CLTC: variants seen among roughly 807,000 people sequenced by gnomAD.
CLTC encodes clathrin heavy chain 1.
In CLTC, 16 loss-of-function variants were observed where a neutral mutation model predicts 195.8. The observed-to-expected ratio is 0.08, with a 90% confidence interval of 0.06 to 0.12. CLTC has a LOEUF of 0.12. Ranked by LOEUF, CLTC falls within the 10% of genes least tolerant of loss-of-function variation. The probability of loss-of-function intolerance (pLI) is 1.00; values close to 1 mark genes in which losing one functional copy is unlikely to be tolerated. For synonymous variants in CLTC, 667 were observed against 689.4 expected (o/e 0.97, Z 0.51); for missense variants, 796 against 2,027.0 (o/e 0.39, Z 11.66).
At chr17:59,646,852 G>C (rs1481501039) in intron 2 of CLTC, among the ~76,000 whole-genome samples, 1 of 152,012 alleles carries the variant, frequency 6.6e-6, no homozygotes, top group Non-Finnish European at 1.5e-5. Context: ...ATCTTAAGCC[G>C]GTTAAATGTA....
At position 59,666,201 on chromosome 17, in the gene CLTC, G is replaced by A. The variant is rs775601497; in HGVS notation, c.1743G>A (p.Gln581=). 1 of 1,614,050 alleles carries A rather than the reference G, an allele frequency of 6.2e-7. No homozygotes were observed. The highest frequency in any genetic ancestry group is 8.5e-7 in the Non-Finnish European group (1 of 1,179,968). ...KNNRPSEGPL[Q]TRLLEMNLMH... is the part of the protein sequence containing the mutation. The stretch of plus-strand genomic sequence containing the variant: ...ATCGCCCATCTGAAGGTCCTTTACA[G>A]ACGCGGTTACTTGAGATGAACCTTA... Residue 581 remains glutamine (Q), a synonymous_variant, in exon 11 of 32, where the codon CAG becomes CAA. Coordinates refer to ENST00000269122, the MANE Select transcript of CLTC (RefSeq NM_004859.4). This position sits in a 1 kb window ranked among gnomAD's most constrained non-coding sequence, Gnocchi z 4.9.
intron 2 of CLTC, among the ~76,000 whole-genome samples, chr17:59,646,575 T>C (rs2032200695): frequency 6.6e-6 from 1 of 152,152 alleles, no homozygotes; most frequent in Non-Finnish European, 1.5e-5. Flanking sequence ...AGCCTAGTGA[T>C]AGTTGTAGGC....
intron 30 of CLTC, chr17:59,687,035 C>G: frequency 2.0e-6 from 2 of 985,908 alleles, no homozygotes; most frequent in Non-Finnish European, 2.4e-6. Flanking sequence ...AAAGTTGATT[C>G]TTTAACATCT....
intron 1 of CLTC, among the ~76,000 whole-genome samples, chr17:59,630,196 T>C (rs566684362): frequency 6.6e-6 from 1 of 152,030 alleles, no homozygotes; most frequent in Non-Finnish European, 1.5e-5. Context: ...GAAATGGGCT[T>C]TGGCCATGTT....
rs2032742140 is a variant in CLTC, at chr17:59,666,757, T to C, written c.1948-40T>C. 6.3e-7 allele frequency: 1 copy of C among 1,580,534 alleles called. No individual in the cohort carries two copies. Among genetic ancestry groups the C allele is most frequent in the Non-Finnish European group, 8.6e-7 (1 of 1,157,296 alleles). Reference sequence around the variant, plus strand: ...TTCATACCACCATGAGGTTCAACATTATTTCATTTATTCATTCATTCATTT... The same window carrying C: ...TTCATACCACCATGAGGTTCAACATCATTTCATTTATTCATTCATTCATTT... On this transcript the variant is annotated intron_variant, in intron 12 of 31. Transcript: ENST00000269122. This position sits in a 1 kb window ranked among gnomAD's most constrained non-coding sequence, Gnocchi z 4.9.
rs768618316 is a variant in CLTC at position 59,682,620 on chromosome 17, T to G, written c.3601-9T>G. On this transcript the variant is annotated splice_polypyrimidine_tract_variant and intron_variant, in intron 22 of 31. Coordinates refer to ENST00000269122, the MANE Select transcript of CLTC (RefSeq NM_004859.4). This position sits in a 1 kb window ranked among gnomAD's most constrained non-coding sequence, Gnocchi z 6.8. ...TCTTGCTGAATGTGGGTTACCTTTT[T>G]TTTTCCAGGTTGGTGACCGTTGTTA... 4.8e-5 allele frequency: 78 copies of G among 1,612,932 alleles called. No individual in the cohort carries two copies. In the Admixed American group the frequency reaches 1.3e-3, roughly 26 times the overall value.
At chr17:59,664,448 G>C (rs1248498014) in intron 9 of CLTC, among the ~76,000 whole-genome samples, 1 of 151,608 alleles carries the variant, frequency 6.6e-6, no homozygotes, top group African/African-American at 2.4e-5. Context: ...CTACTCAGGA[G>C]GCCAAGGTAG....
At chr17:59,634,293 T>G (rs986979126) in intron 1 of CLTC, among the ~76,000 whole-genome samples, 5 of 152,140 alleles carry the variant, frequency 3.3e-5, no homozygotes, top group African/African-American at 7.2e-5. Flanking sequence ...TAGCTGTGGT[T>G]GTTTTGTGCT....
chr17:59,642,727 C>G (rs570968031), intron 1 of CLTC, among the ~76,000 whole-genome samples: 1 of 152,272 alleles, frequency 6.6e-6, no homozygotes, highest in East Asian at 1.9e-4. Flanking sequence ...GCTTGTAAAG[C>G]AGGTTAATCT....
At chr17:59,663,062 C>T (rs1329893074) in intron 8 of CLTC, among the ~76,000 whole-genome samples, 6 of 151,514 alleles carry the variant, frequency 4.0e-5, no homozygotes, top group Admixed American at 3.3e-4. Flanking sequence ...ATAAAAGAGA[C>T]ATTAATCAAC....
At chr17:59,692,274 A>G (rs1024977492) in intron 31 of CLTC, among the ~76,000 whole-genome samples, 3 of 152,168 alleles carry the variant, frequency 2.0e-5, no homozygotes, top group Non-Finnish European at 2.9e-5. Flanking sequence ...CCAAAATTGC[A>G]CCACTGCATT....
At position 59,626,373 on chromosome 17, in the gene CLTC, T is replaced by C. The variant is rs566112542; in HGVS notation, c.42+6200T>C. Among the ~76,000 whole-genome samples, 11 of 152,348 alleles carry C rather than the reference T, an allele frequency of 7.2e-5. No homozygotes were observed. In the East Asian group the frequency reaches 1.9e-3, roughly 27 times the overall value. ...AAAAAGAAACTTTTAAATAAATCTT[T>C]TATTATGTTCCACGAGTCTCATTGT... On this transcript the variant is annotated intron_variant, in intron 1 of 31. Transcript: ENST00000269122.
Position 59,696,062 on chromosome 17 carries a change from G to A in CLTC, c.*2210G>A, listed in dbSNP as rs889197764. 1.5e-4 allele frequency: 32 copies of A among 211,442 alleles called. No individual in the cohort carries two copies. Among genetic ancestry groups the A allele is most frequent in the Non-Finnish European group, 2.7e-4 (28 of 104,490 alleles). The allele number at this position is 211,442 out of a possible 1,614,324, so 13.1% of individuals were successfully genotyped here. A position where few individuals can be genotyped will look rare whatever the true frequency, so the allele number is the denominator to read the frequency against. ...CACCCCATGCCATCCTGTTGGGAAT[G>A]CCACTACCTTTGAATTTGGAGCCAT... is the stretch of plus-strand genomic sequence containing the variant. On this transcript the variant is annotated 3_prime_UTR_variant, in exon 32 of 32. Transcript: ENST00000269122.
chr17:59,647,361 T>C, intron 2 of CLTC, 37 bp from the exon 3 acceptor site: 1 of 1,539,386 alleles, frequency 6.5e-7, no homozygotes, highest in Non-Finnish European at 8.9e-7. Flanking sequence ...TAAACTTTAC[T>C]CTTTTAATGA....
chr17:59,661,729 A>G (rs1175638898), intron 8 of CLTC, 86 bp downstream of exon 8: 5 of 1,085,364 alleles, frequency 4.6e-6, no homozygotes, highest in East Asian at 2.5e-5. Flanking sequence ...CTGCACCACA[A>G]TGTCTCCATT....
intron 16 of CLTC, among the ~76,000 whole-genome samples, chr17:59,676,236 G>A (rs919120474): frequency 1.3e-5 from 2 of 152,146 alleles, no homozygotes; most frequent in South Asian, 2.1e-4. Context: ...CAGGACTATC[G>A]AAACAAGCTA....
chr17:59,681,596 T>C lies in CLTC; in HGVS notation c.3250-51T>C, dbSNP rs2033082240. The C allele has an allele frequency of 6.3e-7, 1 of 1,576,854 alleles. No homozygotes were observed. Among genetic ancestry groups the C allele is most frequent in the Non-Finnish European group, 8.7e-7 (1 of 1,155,684 alleles). Reference sequence around the variant, plus strand: ...TACTAACAGCTTAAATGTAATTGCTTTGGGTAGGATTGATTTTACTCTAAC... The same window carrying C: ...TACTAACAGCTTAAATGTAATTGCTCTGGGTAGGATTGATTTTACTCTAAC... On this transcript the variant is annotated intron_variant, in intron 20 of 31. Coordinates refer to ENST00000269122, the MANE Select transcript of CLTC (RefSeq NM_004859.4). The surrounding 1 kb of genome is among the most constrained non-coding windows in gnomAD (Gnocchi z 5.0).
At position 59,693,718 on chromosome 17, in the gene CLTC, TCTA is replaced by T. The variant is rs747917938; in HGVS notation, c.4904-7_4904-5del. 44 of 1,609,010 alleles carry T rather than the reference TCTA, an allele frequency of 2.7e-5. No individual in the cohort carries two copies. In the African/African-American group the frequency reaches 4.3e-4, roughly 16 times the overall value. Reference sequence around the variant, plus strand: ...TGCCCCCTGCTCCTTTTTGTTTTCTTCTACTGTAGGTCAGCCCCAGTTGATGCT... The same window carrying T: ...TGCCCCCTGCTCCTTTTTGTTTTCTTCTGTAGGTCAGCCCCAGTTGATGCT... On this transcript the variant is annotated splice_region_variant and splice_polypyrimidine_tract_variant and intron_variant, in intron 31 of 31. Transcript: ENST00000269122.
chr17:59,640,436 A>G (rs2031994590), intron 1 of CLTC, among the ~76,000 whole-genome samples: 1 of 149,452 alleles, frequency 6.7e-6, no homozygotes, highest in Non-Finnish European at 1.5e-5. Flanking sequence ...TTGCTCTGTC[A>G]CTCAGGCTGG....
Sources: gnomAD v4.1 joint callset for allele counts (sites outside exome capture counted in the v4.1 genomes callset) on GRCh38, gnomAD v4.1.1 for gene constraint, Gnocchi (gnomAD v3.1) non-coding constraint, MANE v1.5 for transcripts, NCBI Gene and HGNC (gene_info 2026-07-23, HGNC 2026-07-21) for gene names.